MRPS28: variants seen among roughly 807,000 people sequenced by gnomAD.
The protein encoded by MRPS28 is mitochondrial ribosomal protein S28, also known as small ribosomal subunit protein bS1m.
Under a neutral mutation model 10.8 loss-of-function variants are expected in MRPS28, and 7 were observed. That is an observed-to-expected ratio of 0.65 (90% CI 0.37 to 1.22). The LOEUF is 1.22. MRPS28 is among the 50% of genes most tolerant of loss of function. The pLI is 0.02. For synonymous variants in MRPS28, 121 were observed against 93.3 expected (o/e 1.30, Z -1.71); for missense variants, 265 against 232.9 (o/e 1.14, Z -0.90).
At chr8:79,973,181 T>C (rs747362811) in intron 2 of MRPS28, among the ~76,000 whole-genome samples, 1 of 152,216 alleles carries the variant, frequency 6.6e-6, no homozygotes, top group African/African-American at 2.4e-5. Flanking sequence ...CAGTCAACTG[T>C]ACATTCTGGA....
chr8:80,018,133 C>T (rs1809248118), intron 1 of MRPS28, among the ~76,000 whole-genome samples: 1 of 151,732 alleles, frequency 6.6e-6, no homozygotes, highest in African/African-American at 2.4e-5. Flanking sequence ...ACTAACAATA[C>T]AAAAACAAAA....
chr8:79,976,965 A>G (rs926836419), intron 2 of MRPS28, among the ~76,000 whole-genome samples: 1 of 152,194 alleles, frequency 6.6e-6, no homozygotes, highest in East Asian at 1.9e-4. Context: ...AACCACAGAG[A>G]TGTTCCAGAC....
chr8:79,919,947 C>CTCCCCT (rs1554567135), intron 2 of MRPS28, among the ~76,000 whole-genome samples: 4 of 121,602 alleles, frequency 3.3e-5, no homozygotes, highest in Non-Finnish European at 6.7e-5. Context: ...TCCCTCCCCC[C>CTCCCCT]ACCCCATAAC....
chr8:79,969,274 A>G (rs1376606569), intron 2 of MRPS28, among the ~76,000 whole-genome samples: 2 of 152,214 alleles, frequency 1.3e-5, no homozygotes, highest in Non-Finnish European at 2.9e-5. Context: ...AAAGCCATTT[A>G]TGTGAGAAGG....
At chr8:79,948,163 A>G (rs1586052452) in intron 2 of MRPS28, among the ~76,000 whole-genome samples, 1 of 150,998 alleles carries the variant, frequency 6.6e-6, no homozygotes, top group East Asian at 1.9e-4. Context: ...AATTTTTTGT[A>G]TTTTTAGTAG....
At chr8:79,956,322 T>C (rs1057894) in intron 2 of MRPS28, 1 of 152,180 alleles carries the variant, frequency 6.6e-6, no homozygotes, top group Non-Finnish European at 1.5e-5. Flanking sequence ...ATGTTTCATC[T>C]GGTAGAATGC....
At chr8:79,927,641 C>A (rs1413409901) in intron 2 of MRPS28, among the ~76,000 whole-genome samples, 1 of 152,158 alleles carries the variant, frequency 6.6e-6, no homozygotes, top group African/African-American at 2.4e-5. Flanking sequence ...GACAGACTAT[C>A]CCCTCTCCTC....
intron 2 of MRPS28, among the ~76,000 whole-genome samples, chr8:79,958,855 A>T (rs1009822882): frequency 6.6e-6 from 1 of 152,158 alleles, no homozygotes; most frequent in Non-Finnish European, 1.5e-5. Flanking sequence ...CAATTCACTT[A>T]AATTAAGCAA....
At chr8:80,003,413 C>A (rs567487414) in intron 1 of MRPS28, among the ~76,000 whole-genome samples, 9 of 152,296 alleles carry the variant, frequency 5.9e-5, no homozygotes, top group Non-Finnish European at 8.8e-5. Flanking sequence ...CGCCTGTTAT[C>A]CCAGCACTTT....
At chr8:79,953,613 TA>T (rs1461752055) in intron 2 of MRPS28, among the ~76,000 whole-genome samples, 2 of 152,154 alleles carry the variant, frequency 1.3e-5, no homozygotes, top group Non-Finnish European at 2.9e-5. Context: ...ATAAAACTTC[TA>T]AAATATATAT....
rs190653094 is a variant in MRPS28 at position 80,004,449 on chromosome 8, C to G, written c.214-1269G>C. On this transcript the variant is annotated intron_variant, in intron 1 of 2. Coordinates refer to ENST00000276585, the MANE Select transcript of MRPS28 (RefSeq NM_014018.3). ...TCCTGACTGTTAGAAAGAAAACTAA[C>G]AAACAGAAAGGACATCCACACCAAA... 1.5e-3 allele frequency among the ~76,000 whole-genome samples: 230 copies of G among 152,306 alleles called. 2 individuals are homozygous for G. The highest frequency in any genetic ancestry group is 5.3e-3 in the African/African-American group (219 of 41,550).
chr8:79,939,223 C>T (rs921915420), intron 2 of MRPS28, among the ~76,000 whole-genome samples: 1 of 152,202 alleles, frequency 6.6e-6, no homozygotes, highest in South Asian at 2.1e-4. Flanking sequence ...GCAGGACCAA[C>T]ACTCCTTTGA....
chr8:80,007,957 A>G (rs6473193), intron 1 of MRPS28, among the ~76,000 whole-genome samples: 105,476 of 151,986 alleles, frequency 0.69, 36,789 homozygotes, highest in East Asian at 0.85. Flanking sequence ...AAGAGCCCGC[A>G]TTGCCAAGTC....
intron 1 of MRPS28, among the ~76,000 whole-genome samples, chr8:80,007,434 G>A (rs1297459735): frequency 1.3e-5 from 2 of 152,134 alleles, no homozygotes. Flanking sequence ...AAATCAGGCA[G>A]GAGAAAGAAA....
intron 2 of MRPS28, among the ~76,000 whole-genome samples, chr8:79,928,907 G>A (rs184136148): frequency 3.9e-5 from 6 of 152,158 alleles, no homozygotes; most frequent in East Asian, 2.0e-4. Flanking sequence ...TTAGCTGGGC[G>A]TGGTGGCGCA....
chr8:79,971,984 G>A (rs992298930), intron 2 of MRPS28, among the ~76,000 whole-genome samples: 6 of 152,180 alleles, frequency 3.9e-5, no homozygotes, highest in Admixed American at 3.9e-4. Flanking sequence ...ACCGGTGTGA[G>A]CCACTGTGCC....
intron 1 of MRPS28, among the ~76,000 whole-genome samples, chr8:80,005,794 A>AC (rs1167778467): frequency 6.6e-6 from 1 of 152,212 alleles, no homozygotes; most frequent in African/African-American, 2.4e-5. Flanking sequence ...AGGAAGATCT[A>AC]CCAAGCAAAT....
chr8:80,026,900 TATTC>T (rs1809504923), intron 1 of MRPS28, among the ~76,000 whole-genome samples: 1 of 152,176 alleles, frequency 6.6e-6, no homozygotes, highest in African/African-American at 2.4e-5. Context: ...TAGCATTTTA[TATTC>T]ATTCATTAAG....
chr8:79,998,173 T>A (rs980117259), intron 2 of MRPS28, among the ~76,000 whole-genome samples: 3 of 152,184 alleles, frequency 2.0e-5, no homozygotes, highest in Admixed American at 6.5e-5. Flanking sequence ...TACTAATTTC[T>A]AATGTTCCAT....
Sources: gnomAD v4.1 joint callset for allele counts (sites outside exome capture counted in the v4.1 genomes callset) on GRCh38, gnomAD v4.1.1 for gene constraint, MANE v1.5 for transcripts, NCBI Gene and HGNC (gene_info 2026-07-23, HGNC 2026-07-21) for gene names.